UFL1: variants seen among roughly 807,000 people sequenced by gnomAD.
The protein encoded by UFL1 is E3 UFM1-protein ligase 1.
UFL1 carries 78 observed loss-of-function variants against 99.3 expected under a neutral mutation model. The ratio of observed to expected loss-of-function variants is 0.79; its 90% CI spans 0.65 to 0.95. The LOEUF (loss-of-function observed/expected upper bound fraction) is 0.95. UFL1 is among the 40% of genes least tolerant of loss of function. The probability of loss-of-function intolerance (pLI) is 0.00; values close to 1 mark genes in which losing one functional copy is unlikely to be tolerated. For synonymous variants in UFL1, 335 were observed against 322.2 expected (o/e 1.04, Z -0.42); for missense variants, 936 against 937.0 (o/e 1.00, Z 0.01).
intron 12 of UFL1, among the ~76,000 whole-genome samples, chr6:96,545,254 A>G (rs890786234): frequency 6.6e-6 from 1 of 151,146 alleles, no homozygotes; most frequent in Non-Finnish European, 1.5e-5. Flanking sequence ...CAATAACTTA[A>G]TTAAGCTAGA....
intron 7 of UFL1, 110 bp from the exon 8 acceptor site, chr6:96,536,134 T>C (rs1769849213): frequency 2.8e-6 from 3 of 1,066,674 alleles, no homozygotes; most frequent in Admixed American, 2.5e-5. Flanking sequence ...CAACTTCAGA[T>C]TGGTTTTTTA....
At chr6:96,526,913 A>G (rs528117574) in intron 5 of UFL1, among the ~76,000 whole-genome samples, 10 of 152,330 alleles carry the variant, frequency 6.6e-5, no homozygotes, top group African/African-American at 2.2e-4. Flanking sequence ...TGTACAGAAC[A>G]TCCTGCCAAC....
At chr6:96,523,517 T>A (rs1769656273) in intron 2 of UFL1, among the ~76,000 whole-genome samples, 1 of 152,242 alleles carries the variant, frequency 6.6e-6, no homozygotes, top group Non-Finnish European at 1.5e-5. Flanking sequence ...TTTATCATTT[T>A]GAGTTATGTG....
intron 17 of UFL1, among the ~76,000 whole-genome samples, 170 bp from the exon 18 acceptor site, chr6:96,552,312 C>T (rs1267358403): frequency 3.9e-5 from 6 of 151,978 alleles, no homozygotes; most frequent in African/African-American, 1.4e-4. Flanking sequence ...CTAATCTATC[C>T]ATGCCATTTA....
chr6:96,546,806 A>T (rs1770007512), intron 12 of UFL1, among the ~76,000 whole-genome samples: 1 of 150,980 alleles, frequency 6.6e-6, no homozygotes, highest in African/African-American at 2.4e-5. Flanking sequence ...GAAGAACGAA[A>T]CTGTATCCTA....
chr6:96,529,819 GAGA>G (rs1769755760), intron 6 of UFL1, among the ~76,000 whole-genome samples: 1 of 152,158 alleles, frequency 6.6e-6, no homozygotes. Flanking sequence ...GTACAAAAGG[GAGA>G]AGGTTAGAAG....
chr6:96,540,680 T>G, intron 11 of UFL1, 25 bp downstream of exon 11: 1 of 1,586,806 alleles, frequency 6.3e-7, no homozygotes, highest in South Asian at 1.2e-5. Context: ...ACAAGGAATA[T>G]TCAAAGTTTT....
chr6:96,524,826 A>G (rs1390856673), intron 3 of UFL1, among the ~76,000 whole-genome samples: 1 of 152,196 alleles, frequency 6.6e-6, no homozygotes, highest in African/African-American at 2.4e-5. Flanking sequence ...TATTTTCAAA[A>G]TATACAAATA....
intron 15 of UFL1, among the ~76,000 whole-genome samples, chr6:96,550,383 C>A (rs373240217): frequency 6.6e-6 from 1 of 151,972 alleles, no homozygotes; most frequent in Admixed American, 6.6e-5. Flanking sequence ...CTTCTTCCTT[C>A]TTCCTCACCT....
rs1166073610 is a variant in UFL1 at position 96,551,708 on chromosome 6, A to C, written c.1900-130A>C. ...TTGTTAGTTCTATATCACAATTTCT[A>C]ACTTAATGAGAAAGTGACCCTTTTA... On this transcript the variant is annotated intron_variant, in intron 16 of 18. Transcript: ENST00000369278. The C allele has an allele frequency of 8.0e-6, 6 of 749,522 alleles. No individual in the cohort carries two copies. The East Asian group carries it at 1.7e-4, about 21-fold the overall frequency. 46.4% of individuals were successfully genotyped at this position (749,522 alleles called of 1,614,324 possible). A position where few individuals can be genotyped will look rare whatever the true frequency, so the allele number is the denominator to read the frequency against.
chr6:96,552,395 T>C, intron 17 of UFL1, 87 bp from the exon 18 acceptor site: 1 of 1,398,840 alleles, frequency 7.1e-7, no homozygotes, highest in South Asian at 1.5e-5. Flanking sequence ...CTAGAGAAGC[T>C]AAAAATTAAC....
In UFL1 at chr6:96,536,290, G is replaced by A. The variant is rs1158007012; in HGVS notation, c.702G>A (p.Val234=). 6.2e-7 allele frequency: 1 copy of A among 1,610,916 alleles called. No individual in the cohort carries two copies. The highest frequency in any genetic ancestry group is 8.5e-7 in the Non-Finnish European group (1 of 1,177,868). Residue 234 remains valine, a synonymous_variant, in exon 8 of 19, where the codon GTG becomes GTA. Transcript: ENST00000369278. The part of the protein sequence containing the change: ...LVNSGRLRGT[V]VGGRQDKAVF... ...ATAGCGGACGCTTACGAGGCACTGT[G>A]GTTGGTGGGAGACAGGATAAAGCTG...
chr6:96,551,463 G>C lies in UFL1; in HGVS notation c.1849G>C (p.Glu617Gln). Residue 617 changes from glutamate to glutamine, a missense_variant, in exon 16 of 19, where the codon GAA (glutamate) becomes CAA (glutamine). By Grantham distance (29) the Glu-to-Gln change is conservative. Transcript: ENST00000369278. ...IRKKILSKLSEETKVALTKLH... is the reference protein window; with the variant it reads ...IRKKILSKLSQETKVALTKLH... Reference sequence around the variant, plus strand: ...AAAGAAAATTTTAAGTAAATTATCAGAAGAAACCAAAGTAGCTCTTACAAA... The same window carrying C: ...AAAGAAAATTTTAAGTAAATTATCACAAGAAACCAAAGTAGCTCTTACAAA... 6.5e-7 allele frequency: 1 copy of C among 1,534,584 alleles called. No individual in the cohort carries two copies. The highest frequency in any genetic ancestry group is 1.4e-5 in the African/African-American group (1 of 70,108).
rs182510801 is a variant in UFL1 at position 96,529,152 on chromosome 6, A to G, written c.596+520A>G. 1.8e-3 allele frequency among the ~76,000 whole-genome samples: 275 copies of G among 152,312 alleles called. 1 individual carries two copies. Among genetic ancestry groups the G allele is most frequent in the Non-Finnish European group, 2.8e-3 (189 of 68,018 alleles). On this transcript the variant is annotated intron_variant, in intron 6 of 18. Transcript: ENST00000369278. ...TTGCAAAGTCACTGACTTTTCTAAA[A>G]TAAGAATTTCTGAAATATTTGGGTC...
chr6:96,523,038 A>T, intron 1 of UFL1, 108 bp from the exon 2 acceptor site: 1 of 1,043,968 alleles, frequency 9.6e-7, no homozygotes, highest in Non-Finnish European at 1.3e-6. Flanking sequence ...TGTAGAAGTT[A>T]GTGACTAAAC....
chr6:96,536,922 TCTA>T (rs1474902251), intron 8 of UFL1, among the ~76,000 whole-genome samples: 1 of 151,526 alleles, frequency 6.6e-6, no homozygotes, highest in Non-Finnish European at 1.5e-5. Context: ...TGTCTGAAAT[TCTA>T]CTGTCATTTG....
intron 12 of UFL1, among the ~76,000 whole-genome samples, chr6:96,544,418 TTAAA>T (rs1264391126): frequency 6.6e-6 from 1 of 150,998 alleles, no homozygotes; most frequent in Admixed American, 6.6e-5. Flanking sequence ...AAAAAAAACT[TTAAA>T]TGATAATAGA....
chr6:96,523,113 G>T (rs762588845), intron 1 of UFL1, 33 bp from the exon 2 acceptor site: 5 of 1,570,804 alleles, frequency 3.2e-6, no homozygotes, highest in Admixed American at 1.9e-5. Context: ...GTCTCAAGTG[G>T]ACTTTTGAAA....
intron 10 of UFL1, among the ~76,000 whole-genome samples, 175 bp downstream of exon 10, chr6:96,538,985 C>T (rs1769893348): frequency 6.6e-6 from 1 of 151,192 alleles, no homozygotes; most frequent in South Asian, 2.1e-4. Context: ...TCTCTTATTC[C>T]CATCAAAACA....
Sources: gnomAD v4.1 joint callset for allele counts (sites outside exome capture counted in the v4.1 genomes callset) on GRCh38, gnomAD v4.1.1 for gene constraint, MANE v1.5 for transcripts, NCBI Gene and HGNC (gene_info 2026-07-23, HGNC 2026-07-21) for gene names.